The following SDK1 variants were observed in gnomAD, a reference collection of about 807,000 sequenced individuals.
The protein encoded by SDK1 is protein sidekick-1.
Under a neutral mutation model 245.5 loss-of-function variants are expected in SDK1, and 157 were observed. That is an observed-to-expected ratio of 0.64 (90% CI 0.56 to 0.73). The LOEUF is 0.73. Ranked by LOEUF, SDK1 falls within the 30% of genes least tolerant of loss-of-function variation. The pLI, the probability that SDK1 is intolerant of heterozygous loss-of-function variation, is 0.00. For missense variants in SDK1, 3,583 were observed against 3,002.3 expected (o/e 1.19, Z -4.52); for synonymous variants, 1,647 against 1,278.5 (o/e 1.29, Z -6.15).
chr7:3,843,528 T>G (rs753250612), intron 5 of SDK1, among the ~76,000 whole-genome samples: 6 of 152,240 alleles, frequency 3.9e-5, no homozygotes, highest in African/African-American at 1.4e-4. Context: ...ATTCCTTCAT[T>G]AGTTTTAATT....
chr7:4,168,450 C>T (rs955600121), intron 32 of SDK1, among the ~76,000 whole-genome samples: 7 of 152,220 alleles, frequency 4.6e-5, no homozygotes, highest in Non-Finnish European at 1.0e-4. Flanking sequence ...CAGTAATCTT[C>T]GGCCCCTTCC....
chr7:3,906,399 TGAGAGAGA>T (rs148339952), intron 5 of SDK1, among the ~76,000 whole-genome samples: 1 of 149,920 alleles, frequency 6.7e-6, no homozygotes, highest in Non-Finnish European at 1.5e-5. Flanking sequence ...TGTGTGTGTG[TGAGAGAGA>T]GAGAGAGACA....
At chr7:3,805,993 T>G (rs889970380) in intron 4 of SDK1, among the ~76,000 whole-genome samples, 12 of 151,888 alleles carry the variant, frequency 7.9e-5, no homozygotes, top group African/African-American at 2.4e-4. Context: ...ATTTTCAAGG[T>G]GTTCCTCCTC....
chr7:3,337,315 C>T (rs530774613), intron 1 of SDK1, among the ~76,000 whole-genome samples: 1 of 151,904 alleles, frequency 6.6e-6, no homozygotes, highest in African/African-American at 2.4e-5. Context: ...GGCTGAGAAT[C>T]AGTGAACTTG....
intron 1 of SDK1, among the ~76,000 whole-genome samples, chr7:3,615,623 T>C (rs1338971160): frequency 6.6e-6 from 1 of 151,762 alleles, no homozygotes; most frequent in African/African-American, 2.4e-5. Context: ...CATCAGTGCA[T>C]GTTTATTGAA....
chr7:4,129,911 C>T lies in SDK1; in HGVS notation c.3943C>T (p.Leu1315=), dbSNP rs1401006150. 5 of 1,613,602 alleles carry T rather than the reference C, an allele frequency of 3.1e-6. No individual in the cohort carries two copies. In the South Asian group the frequency reaches 5.5e-5, roughly 18 times the overall value. ...QNGLILGYKI[L]FRAKDLDPEP... ...TCGTGCTGTGTCGATACCACAGATC[C>T]TGTTCCGGGCCAAAGACCTGGATCC... Residue 1315 remains leucine (L), a synonymous_variant, in exon 27 of 45, where the codon CTG becomes TTG. Transcript: ENST00000404826.
intron 1 of SDK1, among the ~76,000 whole-genome samples, chr7:3,589,941 T>A (rs1339184993): frequency 6.6e-6 from 1 of 152,208 alleles, no homozygotes. Flanking sequence ...GCAGAGTCTG[T>A]GCTGTGCATG....
rs1226353562 is a variant in SDK1 at position 3,602,395 on chromosome 7, T to C, written c.299-16685T>C. Among the ~76,000 whole-genome samples the C allele has an allele frequency of 2.6e-5, 4 of 152,128 alleles. No homozygotes were observed. The South Asian group carries it at 6.3e-4, about 24-fold the overall frequency. On this transcript the variant is annotated intron_variant, in intron 1 of 44. Transcript: ENST00000404826. ...CTAACTGGTGTGAGATGGTATCTCA[T>C]AGTGGTTTTGATTTGCATTTATCTG... is the stretch of plus-strand genomic sequence containing the variant.
chr7:4,009,748 A>C (rs1191072626), intron 14 of SDK1, among the ~76,000 whole-genome samples: 2 of 152,276 alleles, frequency 1.3e-5, no homozygotes, highest in African/African-American at 4.8e-5. Flanking sequence ...TCCAGTGAGC[A>C]GATTCTGAAT....
intron 4 of SDK1, among the ~76,000 whole-genome samples, chr7:3,795,878 G>A (rs564144123): frequency 6.6e-6 from 1 of 152,264 alleles, no homozygotes; most frequent in African/African-American, 2.4e-5. Flanking sequence ...ATATCAGAGA[G>A]GGCAATAAAT....
intron 4 of SDK1, among the ~76,000 whole-genome samples, chr7:3,706,646 C>T (rs547560408): frequency 6.6e-6 from 1 of 152,208 alleles, no homozygotes; most frequent in Non-Finnish European, 1.5e-5. Context: ...TCGTGATCCA[C>T]CCACTTTGGC....
In SDK1 at chr7:4,253,767, A is replaced by G. The variant is rs148337454; in HGVS notation, c.6381+7962A>G. 4.1e-3 allele frequency among the ~76,000 whole-genome samples: 628 copies of G among 152,248 alleles called. 2 individuals are homozygous for G. Among genetic ancestry groups the G allele is most frequent in the African/African-American group, 0.014 (597 of 41,556 alleles). ...ATTGTCTGTGTCTCCCTTCAAATCT[A>G]TTCATTTAATTTCATGTATTTTGAG... On this transcript the variant is annotated intron_variant, in intron 44 of 44. Coordinates refer to ENST00000404826, the MANE Select transcript of SDK1 (RefSeq NM_152744.4).
chr7:4,232,392 C>CTTTTTTTTTTTTTTTTTTTT (rs1178308855), intron 40 of SDK1, among the ~76,000 whole-genome samples: 2 of 81,788 alleles, frequency 2.4e-5, no homozygotes, highest in Non-Finnish European at 5.2e-5. Context: ...TTCTTTTTTT[C>CTTTTTTTTTTTTTTTTTTTT]TTTTCTTTTC....
intron 1 of SDK1, among the ~76,000 whole-genome samples, chr7:3,584,200 G>T (rs571020025): frequency 7.6e-4 from 116 of 152,220 alleles, no homozygotes; most frequent in African/African-American, 2.6e-3. Context: ...GCTTCTTAGG[G>T]CCCTTAATAT....
At position 4,264,331 on chromosome 7, in the gene SDK1, CGTAGATCTCTCCTGAGTGAGGAGGCCGT is replaced by C. The variant is rs1243038078; in HGVS notation, c.6382-771_6382-744del. ...GACCTCTCCTGAGTGAGGGAGGCCG[CGTAGATCTCTCCTGAGTGAGGAGGCCGT>C]GTAGATCTCTCCTGAGTGAGGGAGG... On this transcript the variant is annotated intron_variant, in intron 44 of 44. Coordinates refer to ENST00000404826, the MANE Select transcript of SDK1 (RefSeq NM_152744.4). Among the ~76,000 whole-genome samples the C allele has an allele frequency of 1.2e-4, 18 of 144,510 alleles. No individual in the cohort carries two copies. In the South Asian group the frequency reaches 1.6e-3, roughly 13 times the overall value. 94.8% of individuals were successfully genotyped at this position (144,510 alleles called of 152,430 possible).
At position 3,817,263 on chromosome 7, in the gene SDK1, A is replaced by T. The variant is rs371070970; in HGVS notation, c.714-4187A>T. ...TCCTGGAACTCTTCCCCTTGGGTCC[A>T]TAGATACTCTTAAGGGAAAGTTGTT... On this transcript the variant is annotated intron_variant, in intron 4 of 44. Coordinates refer to ENST00000404826, the MANE Select transcript of SDK1 (RefSeq NM_152744.4). 1.5e-3 allele frequency among the ~76,000 whole-genome samples: 222 copies of T among 152,334 alleles called. 1 individual carries two copies. The highest frequency in any genetic ancestry group is 5.0e-3 in the African/African-American group (206 of 41,570).
chr7:4,112,993 A>AT (rs1159944449), intron 23 of SDK1, among the ~76,000 whole-genome samples: 1 of 151,904 alleles, frequency 6.6e-6, no homozygotes, highest in African/African-American at 2.4e-5. Context: ...ACCTCAGGTG[A>AT]TCCCCCGCTG....
At chr7:3,837,468 T>G (rs1241974802) in intron 5 of SDK1, among the ~76,000 whole-genome samples, 2 of 152,242 alleles carry the variant, frequency 1.3e-5, no homozygotes, top group Non-Finnish European at 2.9e-5. Context: ...GGGAAAATAC[T>G]CACTGTGGAA....
intron 5 of SDK1, among the ~76,000 whole-genome samples, chr7:3,856,942 A>G (rs1210122000): frequency 6.6e-6 from 1 of 152,232 alleles, no homozygotes; most frequent in Non-Finnish European, 1.5e-5. Flanking sequence ...TAAAAGGGAC[A>G]AAGAGGGATA....
Sources: allele counts gnomAD v4.1 joint callset (sites outside exome capture counted in the v4.1 genomes callset), GRCh38; gene constraint gnomAD v4.1.1; transcripts MANE v1.5; gene names NCBI Gene and HGNC (gene_info 2026-07-23, HGNC 2026-07-21).